The following KCTD8 variants were observed in gnomAD, a reference collection of about 807,000 sequenced individuals.
KCTD8 encodes the protein BTB/POZ domain-containing protein KCTD8.
A neutral mutation model predicts 31.5 loss-of-function variants in KCTD8; 27 were observed. That is an observed-to-expected ratio of 0.86 (90% confidence interval 0.63 to 1.18). The LOEUF is 1.18. Among genes scored for constraint, KCTD8 ranks in the 50% most tolerant of loss-of-function variants. The pLI is 0.00. For synonymous variants in KCTD8, 290 were observed against 280.0 expected (o/e 1.04, Z -0.36); for missense variants, 658 against 647.7 (o/e 1.02, Z -0.17).
chr4:44,434,264 T>C (rs557058279), intron 1 of KCTD8, among the ~76,000 whole-genome samples: 1 of 152,072 alleles, frequency 6.6e-6, no homozygotes, highest in Admixed American at 6.6e-5. Flanking sequence ...TCACCATAAC[T>C]GTCTATAAAT....
At chr4:44,319,461 TAA>T (rs752761296) in intron 1 of KCTD8, among the ~76,000 whole-genome samples, 21 of 136,310 alleles carry the variant, frequency 1.5e-4, no homozygotes, top group Non-Finnish European at 1.3e-4. Flanking sequence ...ACCCCTGTGG[TAA>T]AAAAAAAAAA....
chr4:44,210,642 C>T (rs781632645), intron 1 of KCTD8, among the ~76,000 whole-genome samples: 9 of 152,054 alleles, frequency 5.9e-5, no homozygotes, highest in African/African-American at 1.9e-4. Context: ...GAAAGAGCTT[C>T]CTGAGTGGGA....
At chr4:44,338,021 TATC>T (rs1369846011) in intron 1 of KCTD8, among the ~76,000 whole-genome samples, 4 of 152,018 alleles carry the variant, frequency 2.6e-5, no homozygotes, top group African/African-American at 7.2e-5. Flanking sequence ...GATATAAAAT[TATC>T]ATCACAGTCT....
chr4:44,256,783 G>C (rs1437628369), intron 1 of KCTD8, among the ~76,000 whole-genome samples: 1 of 151,864 alleles, frequency 6.6e-6, no homozygotes, highest in Non-Finnish European at 1.5e-5. Flanking sequence ...GTGGCCTCTG[G>C]AAGCTGGAAA....
intron 1 of KCTD8, among the ~76,000 whole-genome samples, chr4:44,256,599 A>T (rs1015610785): frequency 6.6e-6 from 1 of 151,910 alleles, no homozygotes; most frequent in African/African-American, 2.4e-5. Flanking sequence ...TGTTGGTGTG[A>T]TTAAATTAAG....
At chr4:44,247,627 C>A (rs1484461429) in intron 1 of KCTD8, among the ~76,000 whole-genome samples, 1 of 151,874 alleles carries the variant, frequency 6.6e-6, no homozygotes, top group Non-Finnish European at 1.5e-5. Context: ...TTTACCTATT[C>A]TTCCAGCTCT....
intron 1 of KCTD8, among the ~76,000 whole-genome samples, chr4:44,307,621 TA>T (rs545934185): frequency 3.3e-5 from 5 of 152,016 alleles, no homozygotes; most frequent in Non-Finnish European, 7.4e-5. Flanking sequence ...GATTTGGTCA[TA>T]AAACACGATT....
rs373418419 is a variant in KCTD8 at position 44,311,737 on chromosome 4, A to C, written c.961+135826T>G. 2.6e-5 allele frequency among the ~76,000 whole-genome samples: 4 copies of C among 152,096 alleles called. No individual in the cohort carries two copies. In the East Asian group the frequency reaches 5.8e-4, roughly 22 times the overall value. On this transcript the variant is annotated intron_variant, in intron 1 of 1. Transcript: ENST00000360029. ...GCAAGTGATTCAGGTTCTGAAAAAGAAAATGCCAAATTAATTTATTTGTAA... is the reference window on the plus strand; with the variant it reads ...GCAAGTGATTCAGGTTCTGAAAAAGCAAATGCCAAATTAATTTATTTGTAA...
chr4:44,273,869 T>C (rs1438363534), intron 1 of KCTD8, among the ~76,000 whole-genome samples: 1 of 151,884 alleles, frequency 6.6e-6, no homozygotes, highest in Admixed American at 6.6e-5. Flanking sequence ...TTAAGTTGGA[T>C]TGTCATAGTT....
intron 1 of KCTD8, among the ~76,000 whole-genome samples, chr4:44,194,374 T>C (rs1202399440): frequency 2.0e-5 from 3 of 152,214 alleles, no homozygotes; most frequent in East Asian, 1.9e-4. Flanking sequence ...GAAATGCTAC[T>C]AATGAAACCA....
chr4:44,223,531 G>A (rs935881477), intron 1 of KCTD8, among the ~76,000 whole-genome samples: 7 of 152,052 alleles, frequency 4.6e-5, no homozygotes, highest in African/African-American at 1.2e-4. Context: ...AAAACTTATC[G>A]AATTGGTTAA....
chr4:44,191,994 T>C (rs1328558457), intron 1 of KCTD8, among the ~76,000 whole-genome samples: 1 of 152,188 alleles, frequency 6.6e-6, no homozygotes, highest in African/African-American at 2.4e-5. Context: ...CAGGTGGGCA[T>C]CACGGATCTA....
intron 1 of KCTD8, among the ~76,000 whole-genome samples, chr4:44,193,821 A>G (rs907648357): frequency 6.6e-6 from 1 of 152,154 alleles, no homozygotes; most frequent in Non-Finnish European, 1.5e-5. Flanking sequence ...ATCCTCTGAC[A>G]TGCATATTTC....
At chr4:44,216,915 T>A (rs753513287) in intron 1 of KCTD8, among the ~76,000 whole-genome samples, 1 of 152,210 alleles carries the variant, frequency 6.6e-6, no homozygotes, top group Non-Finnish European at 1.5e-5. Context: ...TCAAAGGAGA[T>A]GCATCTTTCT....
chr4:44,440,071 A>G (rs1219101145), intron 1 of KCTD8, among the ~76,000 whole-genome samples: 1 of 151,910 alleles, frequency 6.6e-6, no homozygotes, highest in Non-Finnish European at 1.5e-5. Context: ...AGCTGGGATT[A>G]CAGATGCCCG....
chr4:44,445,607 A>G (rs1721918834), intron 1 of KCTD8, among the ~76,000 whole-genome samples: 1 of 152,174 alleles, frequency 6.6e-6, no homozygotes, highest in Admixed American at 6.5e-5. Flanking sequence ...AACCTGTATT[A>G]TCTCTTCATA....
At chr4:44,183,075 C>A (rs1348299641) in intron 1 of KCTD8, among the ~76,000 whole-genome samples, 1 of 152,148 alleles carries the variant, frequency 6.6e-6, no homozygotes, top group East Asian at 1.9e-4. Flanking sequence ...GTAATGTTTC[C>A]ACACTGATTC....
chr4:44,309,143 C>A (rs553193330), intron 1 of KCTD8, among the ~76,000 whole-genome samples: 82 of 152,190 alleles, frequency 5.4e-4, no homozygotes, highest in African/African-American at 1.9e-3. Context: ...TCAAGCAGTT[C>A]TCATGCCTCA....
At chr4:44,255,435 T>A (rs775509864) in intron 1 of KCTD8, among the ~76,000 whole-genome samples, 80 of 151,944 alleles carry the variant, frequency 5.3e-4, no homozygotes, top group Non-Finnish European at 8.5e-4. Context: ...TCTAAGCATT[T>A]AAAAAATTTT....
Sources: allele counts gnomAD v4.1 joint callset (sites outside exome capture counted in the v4.1 genomes callset), GRCh38; gene constraint gnomAD v4.1.1; transcripts MANE v1.5; gene names NCBI Gene and HGNC (gene_info 2026-07-23, HGNC 2026-07-21).